TMOD3: variants seen among roughly 807,000 people sequenced by gnomAD.
TMOD3 encodes the protein tropomodulin 3.
Under a neutral mutation model 39.2 loss-of-function variants are expected in TMOD3, and 20 were observed. The ratio of observed to expected loss-of-function variants is 0.51; its 90% CI spans 0.36 to 0.74. The LOEUF (loss-of-function observed/expected upper bound fraction) is 0.74, where lower values mean the gene tolerates loss of function less well. Ranked by LOEUF, TMOD3 falls within the 30% of genes least tolerant of loss-of-function variation. The pLI is 0.00. For synonymous variants in TMOD3, 143 were observed against 145.8 expected, an observed-to-expected ratio of 0.98 and a Z score of 0.14; for missense variants, 381 against 412.8, an observed-to-expected ratio of 0.92 and a Z score of 0.67.
intron 5 of TMOD3, 151 bp downstream of exon 5, chr15:51,889,296 A>T (rs890333441): frequency 1.5e-5 from 9 of 583,192 alleles, no homozygotes; most frequent in Non-Finnish European, 2.7e-5. Context: ...CAAGAAAGCC[A>T]TTGAAAATAG....
Position 51,838,599 on chromosome 15 carries a change from T to A in TMOD3, c.-75+8763T>A, listed in dbSNP as rs553113770. On this transcript the variant is annotated intron_variant, in intron 1 of 9. Coordinates refer to ENST00000308580, the MANE Select transcript of TMOD3 (RefSeq NM_014547.5). ...CTTCTTTCTGTGCCTCTGCTCCATT[T>A]TAGGACATTAATTTTAATTTTTAAA... 1.4e-4 allele frequency among the ~76,000 whole-genome samples: 21 copies of A among 152,248 alleles called. 2 individuals carry two copies. In the South Asian group the frequency reaches 4.3e-3, roughly 32 times the overall value.
intron 2 of TMOD3, 87 bp downstream of exon 2, chr15:51,863,097 T>TCTCTGGCACCTTCCACCCTTTC (rs2056427524): frequency 7.2e-7 from 1 of 1,388,570 alleles, no homozygotes; most frequent in Admixed American, 2.1e-5. Flanking sequence ...CCATGACTTT[T>TCTCTGGCACCTTCCACCCTTTC]CTCTGGCACC....
chr15:51,863,939 G>A (rs1376762878), intron 2 of TMOD3, among the ~76,000 whole-genome samples: 1 of 152,124 alleles, frequency 6.6e-6, no homozygotes, highest in East Asian at 1.9e-4. Flanking sequence ...TCTGTAGGCA[G>A]TTCAATCTAT....
chr15:51,864,264 C>CA (rs33983902), intron 2 of TMOD3, among the ~76,000 whole-genome samples: 9,708 of 103,926 alleles, frequency 0.093, 538 homozygotes, highest in East Asian at 0.19. Context: ...AGACTTATCT[C>CA]AAAAAAAAAA....
rs2056363211 is a variant in TMOD3 at position 51,851,773 on chromosome 15, C to T, written c.-74-11038C>T. On this transcript the variant is annotated intron_variant, in intron 1 of 9. Coordinates refer to ENST00000308580, the MANE Select transcript of TMOD3 (RefSeq NM_014547.5). The stretch of plus-strand genomic sequence containing the variant: ...GTGCAGCTCGTGTTTTTATCCCCTA[C>T]AGCCAACCGCTGTGTTTCCAAAACA... Among the ~76,000 whole-genome samples, 2 of 152,174 alleles carry T rather than the reference C, an allele frequency of 1.3e-5. 1 individual carries two copies. The highest frequency in any genetic ancestry group is 4.2e-4 in the South Asian group (2 of 4,780).
At chr15:51,856,225 T>A (rs2056387091) in intron 1 of TMOD3, among the ~76,000 whole-genome samples, 1 of 152,374 alleles carries the variant, frequency 6.6e-6, no homozygotes, top group Middle Eastern at 3.4e-3. Context: ...ATTGCACCAC[T>A]GTACTCCAGC....
intron 1 of TMOD3, among the ~76,000 whole-genome samples, chr15:51,849,936 T>TAAA (rs112985288): frequency 1.9e-5 from 2 of 106,428 alleles, no homozygotes; most frequent in Non-Finnish European, 2.1e-5. Flanking sequence ...TCTGTCTCAA[T>TAAA]AAAAAAAAAA....
intron 1 of TMOD3, among the ~76,000 whole-genome samples, chr15:51,857,566 T>G (rs1176203503): frequency 6.6e-6 from 1 of 152,084 alleles, no homozygotes; most frequent in Non-Finnish European, 1.5e-5. Context: ...CCTATTAGAG[T>G]GCCCTGTTAG....
intron 5 of TMOD3, among the ~76,000 whole-genome samples, chr15:51,890,884 A>G (rs1223433544): frequency 6.6e-6 from 1 of 152,166 alleles, no homozygotes; most frequent in African/African-American, 2.4e-5. Context: ...CGCTGTTTTT[A>G]ACATTTGCCA....
chr15:51,862,880 A>C lies in TMOD3; in HGVS notation c.-5A>C. On this transcript the variant is annotated 5_prime_UTR_variant, in exon 2 of 10. Coordinates refer to ENST00000308580, the MANE Select transcript of TMOD3 (RefSeq NM_014547.5). ...AAAATTAAGTGACTTGCTGCCCTGC[A>C]CATCATGGCACTGCCATTCCGTAAG... The C allele has an allele frequency of 6.2e-7, 1 of 1,612,296 alleles. No homozygotes were observed. The highest frequency in any genetic ancestry group is 8.5e-7 in the Non-Finnish European group (1 of 1,179,416).
intron 1 of TMOD3, among the ~76,000 whole-genome samples, chr15:51,845,377 T>G (rs2056330808): frequency 6.6e-6 from 1 of 152,178 alleles, no homozygotes; most frequent in Non-Finnish European, 1.5e-5. Flanking sequence ...AAGAAGAGAT[T>G]AAAGTCAGAA....
intron 1 of TMOD3, among the ~76,000 whole-genome samples, chr15:51,857,029 T>A (rs1213849427): frequency 6.6e-6 from 1 of 152,184 alleles, no homozygotes; most frequent in Non-Finnish European, 1.5e-5. Context: ...AAATGTTCAT[T>A]TATACGATAG....
At chr15:51,838,769 C>A (rs909118685) in intron 1 of TMOD3, among the ~76,000 whole-genome samples, 1 of 152,094 alleles carries the variant, frequency 6.6e-6, no homozygotes, top group Non-Finnish European at 1.5e-5. Context: ...TGCAGACTGA[C>A]CTTCTGTGCT....
intron 3 of TMOD3, among the ~76,000 whole-genome samples, chr15:51,869,987 G>A (rs373242907): frequency 2.1e-4 from 32 of 152,216 alleles, no homozygotes; most frequent in African/African-American, 6.0e-4. Flanking sequence ...TGCCCAGGCC[G>A]GAGTGCAATG....
chr15:51,877,760 C>T (rs1210649732), intron 3 of TMOD3, among the ~76,000 whole-genome samples: 1 of 151,980 alleles, frequency 6.6e-6, no homozygotes, highest in African/African-American at 2.4e-5. Flanking sequence ...AATACTGAGG[C>T]AAGACCCTTC....
In TMOD3 at chr15:51,902,028, A is replaced by G. The variant is rs751427303; in HGVS notation, c.1016A>G (p.Asn339Ser). Residue 339 changes from asparagine (N) to serine (S), a missense_variant, in exon 9 of 10, where the codon AAT (asparagine) becomes AGT (serine). By Grantham distance (46) the Asn-to-Ser change is conservative (BLOSUM62 1). Coordinates refer to ENST00000308580, the MANE Select transcript of TMOD3 (RefSeq NM_014547.5). ...TRAANAITKNNDLVRKRRVEG... is the reference protein window; with the variant it reads ...TRAANAITKNSDLVRKRRVEG... ...GCAGCTAATGCTATAACAAAAAACA[A>G]TGACTTAGGTAAGACATAGTATCGA... The G allele has an allele frequency of 3.1e-6, 5 of 1,614,108 alleles. No individual in the cohort carries two copies. Among genetic ancestry groups the G allele is most frequent in the South Asian group, 2.2e-5 (2 of 91,056 alleles).
At chr15:51,830,332 C>T (rs1403235920) in intron 1 of TMOD3, among the ~76,000 whole-genome samples, 7 of 152,222 alleles carry the variant, frequency 4.6e-5, no homozygotes, top group Non-Finnish European at 4.4e-5. Flanking sequence ...CCGGTTTGAT[C>T]TGTCTGCTCT....
chr15:51,856,028 C>T (rs748962144), intron 1 of TMOD3, among the ~76,000 whole-genome samples: 3 of 152,068 alleles, frequency 2.0e-5, no homozygotes, highest in East Asian at 1.9e-4. Flanking sequence ...TTTAGGAGGT[C>T]GAGGCAGACA....
intron 1 of TMOD3, chr15:51,859,606 C>T (rs552484458): frequency 6.9e-5 from 39 of 568,648 alleles, no homozygotes; most frequent in South Asian, 4.9e-4. Context: ...AAGATTGCCT[C>T]GGTGTCTTCT....
Sources: allele counts gnomAD v4.1 joint callset (sites outside exome capture counted in the v4.1 genomes callset), GRCh38; gene constraint gnomAD v4.1.1; transcripts MANE v1.5; gene names NCBI Gene and HGNC (gene_info 2026-07-23, HGNC 2026-07-21).